The following PCSK7 variants were observed in gnomAD, a reference collection of about 807,000 sequenced individuals.
PCSK7 encodes the protein lymphoma proprotein convertase.
In PCSK7, 38 loss-of-function variants were observed where a neutral mutation model predicts 73.3. The observed-to-expected ratio is 0.52, with a 90% CI of 0.40 to 0.68. The LOEUF (loss-of-function observed/expected upper bound fraction) is 0.68, where lower values mean the gene tolerates loss of function less well. Ranked by LOEUF, PCSK7 falls within the 30% of genes least tolerant of loss-of-function variation. The pLI is 0.00. For missense variants in PCSK7, 692 were observed against 991.5 expected, an observed-to-expected ratio of 0.70 and a Z score of 4.06; for synonymous variants, 296 against 383.8, an observed-to-expected ratio of 0.77 and a Z score of 2.68.
Position 117,204,968 on chromosome 11 carries a change from G to C in PCSK7, c.*1029C>G, listed in dbSNP as rs749336964. On this transcript the variant is annotated 3_prime_UTR_variant, in exon 17 of 17. Transcript: ENST00000320934. ...ATTCTTTCAGAGGAAACAGGCCATAGAACAGGAGAGTGAATCTTGGGGACC... is the reference window on the plus strand; with the variant it reads ...ATTCTTTCAGAGGAAACAGGCCATACAACAGGAGAGTGAATCTTGGGGACC... 5 of 195,662 alleles carry C rather than the reference G, an allele frequency of 2.6e-5. No individual in the cohort carries two copies. Among genetic ancestry groups the C allele is most frequent in the Non-Finnish European group, 4.3e-5 (4 of 93,336 alleles). 12.1% of individuals were successfully genotyped at this position (195,662 alleles called of 1,614,324 possible). A position where few individuals can be genotyped will look rare whatever the true frequency, so the allele number is the denominator to read the frequency against.
Position 117,227,256 on chromosome 11 carries a change from T to A in PCSK7, c.670A>T (p.Asn224Tyr), listed in dbSNP as rs1443435983. 6.2e-7 allele frequency: 1 copy of A among 1,613,180 alleles called. No homozygotes were observed. The highest frequency in any genetic ancestry group is 1.3e-5 in the African/African-American group (1 of 74,868). ...CATCGCGTGCCATGGTGGTTGCCAT[T>A]CTCCACATCCGGGTGGGGCATGGGG... The part of the protein sequence containing the change: ...PDPMPHPDVE[N>Y]GNHHGTRCAG... Residue 224 changes from asparagine (N) to tyrosine (Y), a missense_variant, in exon 5 of 17, where the codon AAT becomes TAT. This residue lies in a region of PCSK7 where 574 missense variants were observed against 689.8 expected (regional missense o/e 0.83). Coordinates refer to ENST00000320934, the MANE Select transcript of PCSK7 (RefSeq NM_004716.4).
chr11:117,215,713 G>A (rs1180187404), intron 12 of PCSK7: 5 of 139,674 alleles, frequency 3.6e-5, no homozygotes, highest in African/African-American at 5.2e-5. Context: ...TTTTTGTATC[G>A]TTTTTTTTTT....
intron 9 of PCSK7, chr11:117,221,720 G>GC (rs1247253308): frequency 6.6e-6 from 1 of 152,314 alleles, no homozygotes; most frequent in African/African-American, 2.4e-5. Flanking sequence ...GTACAGCAGA[G>GC]CAAGAGTGAC....
At position 117,206,282 on chromosome 11, in the gene PCSK7, C is replaced by A. The variant is rs544561003; in HGVS notation, c.2073G>T (p.Arg691Ser). The change falls in exon 17 of 17, where the codon AGG becomes AGT. Residue 691 changes from arginine (R) to serine (S), a missense_variant. Transcript: ENST00000320934. ...TACAAACTTGATTGGAAGCCACATT[C>A]CTCTGGCTCAAATATACTTCCAGCA... ...YYMLEVYLSQ[R>S]NVASNQVCRS... 5.6e-5 allele frequency: 91 copies of A among 1,614,180 alleles called. No homozygotes were observed. The highest frequency in any genetic ancestry group is 7.4e-5 in the Non-Finnish European group (87 of 1,180,012).
chr11:117,223,141 T>C (rs780714067), intron 9 of PCSK7, 67 bp downstream of exon 9: 11 of 921,654 alleles, frequency 1.2e-5, no homozygotes, highest in Non-Finnish European at 2.0e-5. Flanking sequence ...TGAGAAGCGC[T>C]GTGATGTCTG....
In PCSK7 at chr11:117,229,921, G is replaced by A. The variant is rs907296557; in HGVS notation, c.-12-65C>T. On this transcript the variant is annotated intron_variant, in intron 2 of 16. Coordinates refer to ENST00000320934, the MANE Select transcript of PCSK7 (RefSeq NM_004716.4). Reference sequence around the variant, plus strand: ...CTGGTAACTGCAGGAATCTGAGAGGGAGATGCTGAGCCATCCATGTGTTCC... The same window carrying A: ...CTGGTAACTGCAGGAATCTGAGAGGAAGATGCTGAGCCATCCATGTGTTCC... 5 of 949,328 alleles carry A rather than the reference G, an allele frequency of 5.3e-6. No individual in the cohort carries two copies. In the African/African-American group the frequency reaches 8.3e-5, roughly 16 times the overall value. 58.8% of individuals were successfully genotyped at this position (949,328 alleles called of 1,614,324 possible). A position where few individuals can be genotyped will look rare whatever the true frequency, so the allele number is the denominator to read the frequency against.
At chr11:117,217,043 C>A (rs983653097) in intron 12 of PCSK7, 17 of 152,248 alleles carry the variant, frequency 1.1e-4, no homozygotes, top group Admixed American at 1.0e-3. Flanking sequence ...GCTCCATTAG[C>A]CAAACTCCCT....
chr11:117,223,102 G>T, intron 9 of PCSK7, 106 bp downstream of exon 9: 1 of 755,772 alleles, frequency 1.3e-6, no homozygotes, highest in South Asian at 1.5e-5. Flanking sequence ...AGAGGAGCCT[G>T]AGTGTTGGGG....
At chr11:117,220,927 G>A (rs930223840) in intron 9 of PCSK7, 2 of 152,438 alleles carry the variant, frequency 1.3e-5, no homozygotes, top group African/African-American at 2.4e-5. Context: ...TCTCTGTGTG[G>A]TTCTGAGGTG....
Position 117,227,230 on chromosome 11 carries a change from A to G in PCSK7, c.696T>C (p.Cys232=). ...VENGNHHGTR[C]AGEIAAVPNN... ...TGGGCACAGCCGCGATCTCTCCTGC[A>G]CATCGCGTGCCATGGTGGTTGCCAT... The change falls in exon 5 of 17, where the codon TGT becomes TGC. Residue 232 remains cysteine, a synonymous_variant. Transcript: ENST00000320934. The G allele has an allele frequency of 1.9e-6, 3 of 1,613,998 alleles. No individual in the cohort carries two copies. The highest frequency in any genetic ancestry group is 2.5e-6 in the Non-Finnish European group (3 of 1,179,960).
intron 5 of PCSK7, chr11:117,226,335 C>T (rs2032428035): frequency 2.1e-5 from 7 of 340,580 alleles, no homozygotes; most frequent in Middle Eastern, 1.9e-3. Context: ...GGGGTTTCAC[C>T]ATATTGGTCA....
chr11:117,226,117 C>T, intron 5 of PCSK7, 96 bp from the exon 6 acceptor site: 1 of 746,658 alleles, frequency 1.3e-6, no homozygotes, highest in Non-Finnish European at 2.4e-6. Context: ...CTTATTTTTC[C>T]CTACATGCTC....
intron 8 of PCSK7, chr11:117,223,847 G>T: frequency 1.9e-6 from 1 of 539,976 alleles, no homozygotes; most frequent in Non-Finnish European, 3.3e-6. Flanking sequence ...ACCAGCTGTG[G>T]TGGGGTGGAG....
chr11:117,205,659 T>G lies in PCSK7; in HGVS notation c.*338A>C, dbSNP rs988432029. The G allele has an allele frequency of 3.7e-6, 1 of 271,284 alleles. No individual in the cohort carries two copies. Among genetic ancestry groups the G allele is most frequent in the African/African-American group, 2.1e-5 (1 of 46,520 alleles). The allele number at this position is 271,284 out of a possible 1,614,324, so 16.8% of individuals were successfully genotyped here. On this transcript the variant is annotated 3_prime_UTR_variant, in exon 17 of 17. Coordinates refer to ENST00000320934, the MANE Select transcript of PCSK7 (RefSeq NM_004716.4). ...TGGCTATGGCAGGCACCTTCTCAACTTATATGTGGGAAGGGGTCCCCCATG... is the reference window on the plus strand; with the variant it reads ...TGGCTATGGCAGGCACCTTCTCAACGTATATGTGGGAAGGGGTCCCCCATG...
At chr11:117,213,149 T>C (rs2031807281) in intron 12 of PCSK7, 1 of 152,262 alleles carries the variant, frequency 6.6e-6, no homozygotes, top group South Asian at 2.1e-4. Context: ...CCTCACTGTC[T>C]TCCCTACCAG....
At position 117,218,497 on chromosome 11, in the gene PCSK7, C is replaced by A; in HGVS notation, c.1503G>T (p.Gln501His). Residue 501 changes from glutamine to histidine, a missense_variant, in exon 12 of 17, where the codon CAG becomes CAT. Physicochemically the swap from Gln to His is conservative, Grantham distance 24 (BLOSUM62 0). This residue lies in a region of PCSK7 where 574 missense variants were observed against 689.8 expected (regional missense o/e 0.83). Coordinates refer to ENST00000320934, the MANE Select transcript of PCSK7 (RefSeq NM_004716.4). This position sits in a 1 kb window ranked among gnomAD's most constrained non-coding sequence, Gnocchi z 4.0. ...PVLKENKAIPQSPRSLEVLWN... is the reference protein window; with the variant it reads ...PVLKENKAIPHSPRSLEVLWN... ...ACAGGACCTCCAGGGAACGGGGGGA[C>A]TGCGGAATCGCCTTGTTTTCTTTTA... 4 of 1,609,058 alleles carry A rather than the reference C, an allele frequency of 2.5e-6. No homozygotes were observed. Among genetic ancestry groups the A allele is most frequent in the Non-Finnish European group, 3.4e-6 (4 of 1,177,300 alleles).
chr11:117,211,876 C>T (rs2031742200), intron 12 of PCSK7: 1 of 152,240 alleles, frequency 6.6e-6, no homozygotes, highest in Non-Finnish European at 1.5e-5. Context: ...AAAATGGGGC[C>T]AGTAACAGTA....
chr11:117,229,109 T>C (rs933788062), intron 3 of PCSK7, among the ~76,000 whole-genome samples: 2 of 152,240 alleles, frequency 1.3e-5, no homozygotes, highest in Non-Finnish European at 2.9e-5. Flanking sequence ...TTTAAGCAGC[T>C]TGCCCAAATG....
chr11:117,228,341 G>T lies in PCSK7; in HGVS notation c.478C>A (p.Arg160=), dbSNP rs750946251. The change falls in exon 4 of 17, where the codon CGG becomes AGG. Residue 160 remains arginine (R), a synonymous_variant. Transcript: ENST00000320934. ...ACGTTGATGTCCCTGCCCGGGCTCC[G>T]TCGGTTATTCTGTAAGAGAGACAGG... ...YPQQWHLNNR[R]SPGRDINVTG... 6.2e-7 allele frequency: 1 copy of T among 1,613,934 alleles called. No individual in the cohort carries two copies. The highest frequency in any genetic ancestry group is 1.3e-5 in the African/African-American group (1 of 75,028).
Sources: allele counts gnomAD v4.1 joint callset (sites outside exome capture counted in the v4.1 genomes callset), GRCh38; gene constraint gnomAD v4.1.1; regional missense constraint gnomAD v4.1.1; non-coding constraint Gnocchi (gnomAD v3.1); transcripts MANE v1.5; gene names NCBI Gene and HGNC (gene_info 2026-07-23, HGNC 2026-07-21).